Variants in CRADD observed in about 807,000 individuals in gnomAD.
CRADD encodes death domain-containing protein CRADD.
Under a neutral mutation model 15.5 loss-of-function variants are expected in CRADD, and 9 were observed. That is an observed-to-expected ratio of 0.58 (90% CI 0.35 to 1.01). The LOEUF is 1.01. Among genes scored for constraint, CRADD ranks in the 50% least tolerant of loss-of-function variants. The probability of loss-of-function intolerance (pLI) is 0.02; values close to 1 mark genes in which losing one functional copy is unlikely to be tolerated. For synonymous variants in CRADD, 118 were observed against 107.6 expected (o/e 1.10, Z -0.60); for missense variants, 227 against 250.3 (o/e 0.91, Z 0.63).
chr12:93,706,033 C>G (rs549099518), intron 2 of CRADD, among the ~76,000 whole-genome samples: 1 of 152,208 alleles, frequency 6.6e-6, no homozygotes, highest in South Asian at 2.1e-4. Flanking sequence ...TTTTTCTTCT[C>G]TTATTCTGGA....
intron 2 of CRADD, among the ~76,000 whole-genome samples, chr12:93,769,427 G>C (rs775005972): frequency 1.3e-5 from 2 of 152,058 alleles, no homozygotes; most frequent in Admixed American, 6.5e-5. Flanking sequence ...TTCCAGTTGC[G>C]GGCTATTATG....
At chr12:93,704,916 T>C (rs942758155) in intron 2 of CRADD, among the ~76,000 whole-genome samples, 6 of 152,210 alleles carry the variant, frequency 3.9e-5, no homozygotes, top group African/African-American at 1.2e-4. Context: ...AGTTTTGCTC[T>C]AATAAGTGGC....
chr12:93,734,589 C>T (rs1045367873), intron 2 of CRADD, among the ~76,000 whole-genome samples: 1 of 152,298 alleles, frequency 6.6e-6, no homozygotes, highest in Non-Finnish European at 1.5e-5. Context: ...GCTGCTTTAA[C>T]CTTTCAATAT....
At chr12:93,889,910 CT>C (rs1958564908) in intron 2 of CRADD, among the ~76,000 whole-genome samples, 1 of 152,168 alleles carries the variant, frequency 6.6e-6, no homozygotes, top group South Asian at 2.1e-4. Context: ...TAAAAGACAA[CT>C]TGAAGGGAAC....
intron 2 of CRADD, among the ~76,000 whole-genome samples, chr12:93,857,124 A>AG (rs1958281375): frequency 6.7e-6 from 1 of 148,704 alleles, no homozygotes; most frequent in African/African-American, 2.5e-5. Context: ...TCCAGGTTTG[A>AG]GCACTTAAAA....
chr12:93,886,515 T>C (rs753467758), intron 2 of CRADD, among the ~76,000 whole-genome samples: 1 of 152,090 alleles, frequency 6.6e-6, no homozygotes, highest in African/African-American at 2.4e-5. Flanking sequence ...TCCCCACCCA[T>C]AGGCATTTCA....
In CRADD at chr12:93,678,911, C is replaced by T; in HGVS notation, c.137C>T (p.Ala46Val). 1 of 1,614,192 alleles carries T rather than the reference C, an allele frequency of 6.2e-7. No homozygotes were observed. Among genetic ancestry groups the T allele is most frequent in the Non-Finnish European group, 8.5e-7 (1 of 1,180,030 alleles). ...LTENHIQEIN[A>V]QTTGLRKTML... ...GAAAACCATATTCAAGAAATCAATGCTCAAACCACAGGCCTCCGGAAAACA... is the reference window on the plus strand; with the variant it reads ...GAAAACCATATTCAAGAAATCAATGTTCAAACCACAGGCCTCCGGAAAACA... Residue 46 changes from alanine to valine, a missense_variant, in exon 2 of 3, where the codon GCT (alanine) becomes GTT (valine). Ala to Val is a moderately conservative substitution (Grantham distance 64). Coordinates refer to ENST00000332896, the MANE Select transcript of CRADD (RefSeq NM_003805.5).
At chr12:93,690,304 T>C (rs1955536900) in intron 2 of CRADD, among the ~76,000 whole-genome samples, 1 of 152,212 alleles carries the variant, frequency 6.6e-6, no homozygotes. Context: ...GTGCCATCCT[T>C]CTTCTTTTTG....
At chr12:93,711,391 G>A (rs1253389173) in intron 2 of CRADD, among the ~76,000 whole-genome samples, 1 of 151,868 alleles carries the variant, frequency 6.6e-6, no homozygotes, top group African/African-American at 2.4e-5. Flanking sequence ...TTCCCACATA[G>A]GCAAGCAGAG....
chr12:93,742,433 C>G (rs1456409969), intron 2 of CRADD, among the ~76,000 whole-genome samples: 1 of 145,040 alleles, frequency 6.9e-6, no homozygotes, highest in Non-Finnish European at 1.5e-5. Flanking sequence ...CCCAGCCGCC[C>G]TAGGGCGCCG....
intron 2 of CRADD, among the ~76,000 whole-genome samples, chr12:93,772,874 G>A (rs941896290): frequency 5.9e-5 from 9 of 152,138 alleles, no homozygotes; most frequent in East Asian, 3.9e-4. Context: ...ATGTAGGAGC[G>A]GCACCTGCAG....
At position 93,841,165 on chromosome 12, in the gene CRADD, A is replaced by G. The variant is rs543506980; in HGVS notation, c.299-8805A>G. On this transcript the variant is annotated intron_variant, in intron 2 of 2. Coordinates refer to ENST00000332896, the MANE Select transcript of CRADD (RefSeq NM_003805.5). ...ATTTTATGATGTTGAAATTTATTGC[A>G]AACGTAGGATACATTCTACTTGTTC... is the stretch of plus-strand genomic sequence containing the variant. Among the ~76,000 whole-genome samples the G allele has an allele frequency of 5.3e-5, 8 of 152,318 alleles. No individual in the cohort carries two copies. The East Asian group carries it at 1.5e-3, about 29-fold the overall frequency.
At chr12:93,791,659 A>T (rs1297735540) in intron 2 of CRADD, among the ~76,000 whole-genome samples, 1 of 152,144 alleles carries the variant, frequency 6.6e-6, no homozygotes, top group Non-Finnish European at 1.5e-5. Context: ...ATTGCTGAGT[A>T]AATCCAAATG....
rs548724174 is a variant in CRADD, at chr12:93,701,851, C to T, written c.298+22779C>T. Among the ~76,000 whole-genome samples, 246 of 151,862 alleles carry T rather than the reference C, an allele frequency of 1.6e-3. 1 individual carries two copies. Among genetic ancestry groups the T allele is most frequent in the Non-Finnish European group, 2.5e-3 (170 of 67,938 alleles). ...AGCTCTTTTTTTTGGACTATAATTT[C>T]CCCCCACCCCACTTTCTCTAATCTC... On this transcript the variant is annotated intron_variant, in intron 2 of 2. Coordinates refer to ENST00000332896, the MANE Select transcript of CRADD (RefSeq NM_003805.5).
chr12:93,850,508 G>T lies in CRADD; in HGVS notation c.*237G>T. 1 of 1,252,438 alleles carries T rather than the reference G, an allele frequency of 8.0e-7. No homozygotes were observed. Among genetic ancestry groups the T allele is most frequent in the Non-Finnish European group, 1.0e-6 (1 of 1,000,816 alleles). 77.6% of individuals were successfully genotyped at this position (1,252,438 alleles called of 1,614,324 possible). A position where few individuals can be genotyped will look rare whatever the true frequency, so the allele number is the denominator to read the frequency against. On this transcript the variant is annotated 3_prime_UTR_variant, in exon 3 of 3. Coordinates refer to ENST00000332896, the MANE Select transcript of CRADD (RefSeq NM_003805.5). The surrounding 1 kb of genome is among the most constrained non-coding windows in gnomAD (Gnocchi z 4.0). ...TTAATTGCTTGAAGATTGCATTGTT[G>T]TAATTGTTCAGTTTTTAAATGTGTA...
intron 2 of CRADD, among the ~76,000 whole-genome samples, chr12:93,839,170 C>T (rs1407060210): frequency 6.6e-6 from 1 of 152,130 alleles, no homozygotes; most frequent in African/African-American, 2.4e-5. Context: ...CTAACTCTGC[C>T]AGTATTCCCT....
At chr12:93,788,236 A>T (rs1007690310) in intron 2 of CRADD, among the ~76,000 whole-genome samples, 1 of 152,182 alleles carries the variant, frequency 6.6e-6, no homozygotes, top group Non-Finnish European at 1.5e-5. Context: ...ACCTCTTCAC[A>T]AGGTGGCAGG....
chr12:93,838,261 C>T (rs1437538156), intron 2 of CRADD, among the ~76,000 whole-genome samples: 2 of 144,912 alleles, frequency 1.4e-5, no homozygotes, highest in Non-Finnish European at 3.0e-5. Context: ...GTCTCTCAGC[C>T]AAAGGGATTT....
chr12:93,856,102 G>A (rs535504004), intron 2 of CRADD, among the ~76,000 whole-genome samples: 12 of 152,306 alleles, frequency 7.9e-5, no homozygotes, highest in South Asian at 4.1e-4. Flanking sequence ...CACTGCGCCC[G>A]GCCCAGTTTT....
Sources: allele counts gnomAD v4.1 joint callset (sites outside exome capture counted in the v4.1 genomes callset), GRCh38; gene constraint gnomAD v4.1.1; non-coding constraint Gnocchi (gnomAD v3.1); transcripts MANE v1.5; gene names NCBI Gene and HGNC (gene_info 2026-07-23, HGNC 2026-07-21).